Variants in PTK2 observed in about 807,000 individuals in gnomAD.
The protein encoded by PTK2 is protein tyrosine kinase 2.
PTK2 carries 45 observed loss-of-function variants against 150.1 expected under a neutral mutation model. That is an observed-to-expected ratio of 0.30 (90% CI 0.24 to 0.38). The LOEUF is 0.38. PTK2 is among the 10% of genes least tolerant of loss of function. The probability of loss-of-function intolerance (pLI) is 1.00; values close to 1 mark genes in which losing one functional copy is unlikely to be tolerated. For synonymous variants in PTK2, 432 were observed against 449.2 expected (o/e 0.96, Z 0.48); for missense variants, 919 against 1,307.3 (o/e 0.70, Z 4.58).
At chr8:140,847,056 G>A (rs1016839065) in intron 5 of PTK2, among the ~76,000 whole-genome samples, 1 of 152,088 alleles carries the variant, frequency 6.6e-6, no homozygotes, top group African/African-American at 2.4e-5. Flanking sequence ...AAGAAACAAC[G>A]AATAGGGTCT....
At chr8:140,951,924 T>A (rs549609194) in intron 1 of PTK2, among the ~76,000 whole-genome samples, 1 of 151,944 alleles carries the variant, frequency 6.6e-6, no homozygotes, top group South Asian at 2.1e-4. Flanking sequence ...TTTTTTTAAG[T>A]TCCAATGAGC....
intron 27 of PTK2, among the ~76,000 whole-genome samples, chr8:140,681,357 A>G (rs1375359826): frequency 6.6e-6 from 1 of 151,676 alleles, no homozygotes; most frequent in Non-Finnish European, 1.5e-5. Context: ...CGTCTCAAAA[A>G]AAAAAAAAAG....
intron 3 of PTK2, among the ~76,000 whole-genome samples, chr8:140,880,790 C>T (rs554378170): frequency 6.6e-6 from 1 of 152,272 alleles, no homozygotes; most frequent in East Asian, 1.9e-4. Context: ...GTACCATATA[C>T]AAAAACTGTC....
At chr8:140,846,504 T>C in intron 6 of PTK2, 95 bp downstream of exon 6, 3 of 1,193,444 alleles carry the variant, frequency 2.5e-6, no homozygotes, top group Non-Finnish European at 3.7e-6. Context: ...ATTTCACTGA[T>C]AATCCTTATG....
chr8:140,976,719 T>G (rs1049913756), intron 1 of PTK2, among the ~76,000 whole-genome samples: 1 of 152,172 alleles, frequency 6.6e-6, no homozygotes. Flanking sequence ...AGGCAGAAAA[T>G]AGAAACTCTA....
intron 1 of PTK2, among the ~76,000 whole-genome samples, chr8:140,989,669 G>C (rs952435338): frequency 6.6e-6 from 1 of 152,104 alleles, no homozygotes; most frequent in Non-Finnish European, 1.5e-5. Flanking sequence ...AGCACTTTGG[G>C]AGGCCGAGGC....
chr8:140,754,450 G>T (rs1271456074), intron 16 of PTK2, among the ~76,000 whole-genome samples: 1 of 152,192 alleles, frequency 6.6e-6, no homozygotes, highest in Non-Finnish European at 1.5e-5. Context: ...CTGGCTGCAA[G>T]TAACAGGTAT....
intron 5 of PTK2, among the ~76,000 whole-genome samples, chr8:140,861,046 TAA>T (rs2100135771): frequency 6.6e-6 from 1 of 152,182 alleles, no homozygotes; most frequent in Non-Finnish European, 1.5e-5. Context: ...TTGAACTTTC[TAA>T]AAGTGTGCCA....
At chr8:140,921,473 T>C (rs1198248065) in intron 2 of PTK2, among the ~76,000 whole-genome samples, 1 of 152,236 alleles carries the variant, frequency 6.6e-6, no homozygotes, top group African/African-American at 2.4e-5. Context: ...ACTAACCTAA[T>C]TCTTTATGAC....
chr8:140,989,120 G>A (rs1485672058), intron 1 of PTK2, among the ~76,000 whole-genome samples: 1 of 137,712 alleles, frequency 7.3e-6, no homozygotes, highest in East Asian at 2.3e-4. Flanking sequence ...GCTCACACTT[G>A]TAATTCCAAC....
chr8:140,850,587 G>A (rs550665262), intron 5 of PTK2, among the ~76,000 whole-genome samples: 7 of 151,766 alleles, frequency 4.6e-5, no homozygotes, highest in East Asian at 1.9e-4. Context: ...AAAATTATCC[G>A]GGCGTGGTGG....
At chr8:140,678,051 G>T (rs2100014874) in intron 27 of PTK2, among the ~76,000 whole-genome samples, 1 of 152,148 alleles carries the variant, frequency 6.6e-6, no homozygotes, top group African/African-American at 2.4e-5. Context: ...GGTATTGGTT[G>T]ATTGATTAAG....
At chr8:140,669,301 G>GTATGTATGTATATATATA (rs547959878) in intron 29 of PTK2, 4 of 97,984 alleles carry the variant, frequency 4.1e-5, no homozygotes, top group African/African-American at 1.9e-4. Context: ...GCATAAAATG[G>GTATGTATGTATATATATA]TATATATATA....
chr8:140,766,366 G>A (rs1295032532), intron 14 of PTK2, among the ~76,000 whole-genome samples: 1 of 152,140 alleles, frequency 6.6e-6, no homozygotes, highest in Non-Finnish European at 1.5e-5. Context: ...ATGCACCAAA[G>A]CTTATGCTGG....
At chr8:140,745,214 CAAG>C (rs1227030135) in intron 18 of PTK2, among the ~76,000 whole-genome samples, 1 of 152,146 alleles carries the variant, frequency 6.6e-6, no homozygotes, top group Non-Finnish European at 1.5e-5. Context: ...AAAGCAGGGA[CAAG>C]AAGGAATCTC....
At chr8:140,787,761 T>C (rs984865992) in intron 14 of PTK2, among the ~76,000 whole-genome samples, 1 of 152,168 alleles carries the variant, frequency 6.6e-6, no homozygotes, top group Non-Finnish European at 1.5e-5. Context: ...CTGGGGAGAC[T>C]GTGGAGACAG....
At chr8:140,859,644 G>C (rs1026047985) in intron 5 of PTK2, among the ~76,000 whole-genome samples, 1 of 152,158 alleles carries the variant, frequency 6.6e-6, no homozygotes, top group African/African-American at 2.4e-5. Flanking sequence ...CTTCAGTGAA[G>C]GTTCTCACAC....
At chr8:140,921,156 AG>A in intron 2 of PTK2, 1 of 1,218,270 alleles carries the variant, frequency 8.2e-7, no homozygotes, top group African/African-American at 1.6e-5. Context: ...CATCCTGGCT[AG>A]ATCAAGCTAC....
chr8:140,732,583 C>T (rs1288304392), intron 22 of PTK2: 1 of 530,586 alleles, frequency 1.9e-6, no homozygotes, highest in Non-Finnish European at 3.9e-6. Flanking sequence ...ATGACCATCC[C>T]TGTCCTCAAG....
Sources: allele counts gnomAD v4.1 joint callset (sites outside exome capture counted in the v4.1 genomes callset), GRCh38; gene constraint gnomAD v4.1.1; transcripts MANE v1.5; gene names NCBI Gene and HGNC (gene_info 2026-07-23, HGNC 2026-07-21).